The following SLC35F3 variants were observed in gnomAD, a reference collection of about 807,000 sequenced individuals.
The protein encoded by SLC35F3 is putative thiamine transporter SLC35F3.
A neutral mutation model predicts 49.9 loss-of-function variants in SLC35F3; 25 were observed. The ratio of observed to expected loss-of-function variants is 0.50; its 90% confidence interval spans 0.37 to 0.70. SLC35F3 has a LOEUF of 0.70. Ranked by LOEUF, SLC35F3 falls within the 30% of genes least tolerant of loss-of-function variation. The pLI is 0.00. For synonymous variants in SLC35F3, 275 were observed against 265.4 expected, an observed-to-expected ratio of 1.04 and a Z score of -0.35; for missense variants, 525 against 639.8, an observed-to-expected ratio of 0.82 and a Z score of 1.94.
At chr1:234,048,994 G>A (rs1316385680) in intron 2 of SLC35F3, among the ~76,000 whole-genome samples, 1 of 152,080 alleles carries the variant, frequency 6.6e-6, no homozygotes, top group Non-Finnish European at 1.5e-5. Flanking sequence ...GTTCACAACT[G>A]GATAAGAATT....
intron 7 of SLC35F3, among the ~76,000 whole-genome samples, chr1:234,321,450 C>A (rs6666125): frequency 0.097 from 14,762 of 152,296 alleles, 918 homozygotes; most frequent in East Asian, 0.22. Flanking sequence ...AGCACCTGAG[C>A]TCCTGGACAG....
At chr1:234,230,302 G>GT (rs1667346956) in intron 2 of SLC35F3, among the ~76,000 whole-genome samples, 1 of 152,218 alleles carries the variant, frequency 6.6e-6, no homozygotes, top group African/African-American at 2.4e-5. Flanking sequence ...GCTTCAGAAA[G>GT]TATGATATAC....
At chr1:234,101,419 C>T (rs1426661326) in intron 2 of SLC35F3, among the ~76,000 whole-genome samples, 1 of 152,162 alleles carries the variant, frequency 6.6e-6, no homozygotes, top group Non-Finnish European at 1.5e-5. Context: ...GAACCAACAC[C>T]TAGCTGATGT....
At chr1:234,317,060 G>A (rs1029770246) in intron 5 of SLC35F3, among the ~76,000 whole-genome samples, 1 of 152,172 alleles carries the variant, frequency 6.6e-6, no homozygotes, top group Non-Finnish European at 1.5e-5. Flanking sequence ...TTCAGTGTTT[G>A]CTCAGATCAT....
intron 2 of SLC35F3, among the ~76,000 whole-genome samples, chr1:234,114,967 A>G (rs1665463133): frequency 6.6e-6 from 1 of 152,148 alleles, no homozygotes; most frequent in Non-Finnish European, 1.5e-5. Context: ...GGGACCGGGT[A>G]TTGAGTTGAT....
At chr1:234,041,339 A>G (rs1020875259) in intron 2 of SLC35F3, among the ~76,000 whole-genome samples, 15 of 152,236 alleles carry the variant, frequency 9.9e-5, no homozygotes, top group Middle Eastern at 3.4e-3. Context: ...CACCTTCTGT[A>G]CATAGTCGCT....
At chr1:234,044,893 A>G (rs960055725) in intron 2 of SLC35F3, among the ~76,000 whole-genome samples, 15 of 152,144 alleles carry the variant, frequency 9.9e-5, no homozygotes, top group Non-Finnish European at 1.9e-4. Flanking sequence ...GCACCTAGAG[A>G]GTCAGAGCCC....
At chr1:234,146,901 T>A (rs957190710) in intron 2 of SLC35F3, among the ~76,000 whole-genome samples, 2 of 152,196 alleles carry the variant, frequency 1.3e-5, no homozygotes, top group African/African-American at 4.8e-5. Context: ...TTTGGTGTCT[T>A]AGTGTGAAAA....
intron 2 of SLC35F3, among the ~76,000 whole-genome samples, chr1:234,218,407 C>T (rs942075340): frequency 6.6e-6 from 1 of 152,156 alleles, no homozygotes; most frequent in African/African-American, 2.4e-5. Flanking sequence ...GAATAAAGCT[C>T]TCCAGGAATC....
In SLC35F3 at chr1:234,191,947, A is replaced by G. The variant is rs1434239703; in HGVS notation, c.284-39470A>G. ...GAACAGACCAATAACAAGGAGCAAG[A>G]CTCAAATAATAATTTAAAAATTACC... is the stretch of plus-strand genomic sequence containing the variant. On this transcript the variant is annotated intron_variant, in intron 2 of 7. Transcript: ENST00000366618. 2.0e-5 allele frequency among the ~76,000 whole-genome samples: 3 copies of G among 152,046 alleles called. No individual in the cohort carries two copies. The East Asian group carries it at 5.8e-4, about 29-fold the overall frequency.
rs905050721 is a variant in SLC35F3, at chr1:234,323,989, T to C, written c.*746T>C. 3 of 152,308 alleles carry C rather than the reference T, an allele frequency of 2.0e-5. No homozygotes were observed. The highest frequency in any genetic ancestry group is 2.9e-5 in the Non-Finnish European group (2 of 68,098). 9.4% of individuals were successfully genotyped at this position (152,308 alleles called of 1,614,324 possible). ...ATACGTCACTGGCGCCGTCTTATAA[T>C]TTAGATGTAAAAATCTTTAGAAACA... On this transcript the variant is annotated 3_prime_UTR_variant, in exon 8 of 8. Transcript: ENST00000366618. This position sits in a 1 kb window ranked among gnomAD's most constrained non-coding sequence, Gnocchi z 4.5.
intron 2 of SLC35F3, among the ~76,000 whole-genome samples, chr1:234,203,754 G>A (rs957064296): frequency 4.0e-5 from 6 of 151,436 alleles, no homozygotes; most frequent in Middle Eastern, 3.4e-3. Flanking sequence ...CCAGTGAACC[G>A]AATTTTAAAA....
chr1:234,191,625 ACAAC>A lies in SLC35F3; in HGVS notation c.284-39791_284-39788del, dbSNP rs533817972. Among the ~76,000 whole-genome samples the A allele has an allele frequency of 8.3e-3, 1,262 of 151,836 alleles. 11 individuals are homozygous for A. Among genetic ancestry groups the A allele is most frequent in the South Asian group, 0.03 (144 of 4,728 alleles). On this transcript the variant is annotated intron_variant, in intron 2 of 7. Coordinates refer to ENST00000366618, the MANE Select transcript of SLC35F3 (RefSeq NM_173508.4). ...AGAAGAACTAAATGAAATTGAAACAACAACAAAAAAAAATACGAAAGACAAATGA... is the reference window on the plus strand; with the variant it reads ...AGAAGAACTAAATGAAATTGAAACAAAAAAAAAAATACGAAAGACAAATGA...
At chr1:234,168,832 C>A (rs1407796673) in intron 2 of SLC35F3, among the ~76,000 whole-genome samples, 1 of 152,214 alleles carries the variant, frequency 6.6e-6, no homozygotes, top group Non-Finnish European at 1.5e-5. Context: ...CACAGCGAAA[C>A]GACCCCAGCC....
chr1:234,141,983 G>A (rs1484527184), intron 2 of SLC35F3, among the ~76,000 whole-genome samples: 2 of 152,152 alleles, frequency 1.3e-5, no homozygotes, highest in Non-Finnish European at 2.9e-5. Context: ...CCCATTAGAT[G>A]CAGCGAAGCG....
chr1:234,318,118 G>A (rs957315475), intron 5 of SLC35F3, among the ~76,000 whole-genome samples: 3 of 152,250 alleles, frequency 2.0e-5, no homozygotes, highest in Non-Finnish European at 4.4e-5. Flanking sequence ...CAGCGCAGGA[G>A]CTGCCCTGGG....
intron 2 of SLC35F3, among the ~76,000 whole-genome samples, chr1:234,007,418 G>A (rs1355341728): frequency 6.6e-6 from 1 of 152,126 alleles, no homozygotes; most frequent in African/African-American, 2.4e-5. Flanking sequence ...TCCTCCTGCG[G>A]AGAAGGGCCT....
rs769797050 is a variant in SLC35F3 at position 234,231,443 on chromosome 1, G to A, written c.310G>A (p.Gly104Ser). ...GGAGGAGCGCCCCCGGGACTCCCCG[G>A]GCCCGGCGGAGGCCCAGGCACCGGC... ...KREERPRDSPGPAEAQAPAGV... is the reference protein window; with the variant it reads ...KREERPRDSPSPAEAQAPAGV... Residue 104 changes from glycine to serine, a missense_variant, in exon 3 of 8, where the codon GGC (glycine) becomes AGC (serine). By Grantham distance (56) the Gly-to-Ser change is moderately conservative. Around this residue, in one of 4 missense-constraint regions of SLC35F3, gnomAD observed 228 missense variants for 218.9 expected, o/e 1.04. Coordinates refer to ENST00000366618, the MANE Select transcript of SLC35F3 (RefSeq NM_173508.4). This position sits in a 1 kb window ranked among gnomAD's most constrained non-coding sequence, Gnocchi z 5.4. 3.1e-6 allele frequency: 5 copies of A among 1,600,142 alleles called. 1 individual carries two copies. In the Admixed American group the frequency reaches 5.1e-5, roughly 16 times the overall value.
chr1:234,322,439 G>T (rs191505353), intron 7 of SLC35F3, among the ~76,000 whole-genome samples: 90 of 152,192 alleles, frequency 5.9e-4, no homozygotes, highest in African/African-American at 2.1e-3. Context: ...TAAGAAAATC[G>T]TAAGAAAGAG....
Sources: allele counts gnomAD v4.1 joint callset (sites outside exome capture counted in the v4.1 genomes callset), GRCh38; gene constraint gnomAD v4.1.1; regional missense constraint gnomAD v4.1.1; non-coding constraint Gnocchi (gnomAD v3.1); transcripts MANE v1.5; gene names NCBI Gene and HGNC (gene_info 2026-07-23, HGNC 2026-07-21).